Variants in SPIDR observed in about 807,000 individuals in gnomAD.
The protein encoded by SPIDR is scaffold protein involved in DNA repair, also known as DNA repair-scaffolding protein.
In SPIDR, 93 loss-of-function variants were observed where a neutral mutation model predicts 104.6. That is an observed-to-expected ratio of 0.89 (90% confidence interval 0.75 to 1.06). The LOEUF (loss-of-function observed/expected upper bound fraction) is 1.06. Ranked by LOEUF, SPIDR falls within the 50% of genes least tolerant of loss-of-function variation. The probability of loss-of-function intolerance (pLI) is 0.00; values close to 1 mark genes in which losing one functional copy is unlikely to be tolerated. For missense variants in SPIDR, 1,154 were observed against 1,111.2 expected, an observed-to-expected ratio of 1.04 and a Z score of -0.55; for synonymous variants, 431 against 416.9, an observed-to-expected ratio of 1.03 and a Z score of -0.41.
intron 8 of SPIDR, among the ~76,000 whole-genome samples, chr8:47,550,425 G>A (rs966663548): frequency 1.3e-5 from 2 of 152,036 alleles, no homozygotes; most frequent in Non-Finnish European, 2.9e-5. Flanking sequence ...ATTTGTTTGT[G>A]TCCTCTTTTA....
chr8:47,469,890 A>G (rs1380125037), intron 8 of SPIDR, among the ~76,000 whole-genome samples: 1 of 152,186 alleles, frequency 6.6e-6, no homozygotes, highest in Non-Finnish European at 1.5e-5. Flanking sequence ...ACTACAAAAC[A>G]TTGCTGAAAT....
chr8:47,474,744 A>T (rs782763549), intron 8 of SPIDR, among the ~76,000 whole-genome samples: 10 of 152,266 alleles, frequency 6.6e-5, no homozygotes, highest in Non-Finnish European at 1.5e-4. Flanking sequence ...AATTGATTTA[A>T]GAAATGAGAA....
intron 8 of SPIDR, chr8:47,511,268 C>T (rs2082275355): frequency 1.3e-6 from 2 of 1,548,904 alleles, no homozygotes; most frequent in Admixed American, 1.7e-5. Context: ...GTGGTAGTCT[C>T]TGATTCGACG....
At chr8:47,485,380 G>A (rs1280957198) in intron 8 of SPIDR, among the ~76,000 whole-genome samples, 1 of 152,200 alleles carries the variant, frequency 6.6e-6, no homozygotes, top group Non-Finnish European at 1.5e-5. Context: ...TGGAGCCCAC[G>A]ACAGCTCAAG....
At chr8:47,419,572 C>G (rs2065036287) in intron 7 of SPIDR, among the ~76,000 whole-genome samples, 2 of 152,100 alleles carry the variant, frequency 1.3e-5, no homozygotes. Flanking sequence ...AAAACCAGCT[C>G]CTGGATTCAT....
At chr8:47,451,154 C>T (rs2071647791) in intron 8 of SPIDR, among the ~76,000 whole-genome samples, 1 of 151,978 alleles carries the variant, frequency 6.6e-6, no homozygotes, top group African/African-American at 2.4e-5. Flanking sequence ...TTAAAGGGAA[C>T]CCATAGATAA....
At chr8:47,533,070 C>A (rs1246423475) in intron 8 of SPIDR, among the ~76,000 whole-genome samples, 1 of 151,908 alleles carries the variant, frequency 6.6e-6, no homozygotes, top group Non-Finnish European at 1.5e-5. Flanking sequence ...TACAACATAA[C>A]CAAATTTGTA....
chr8:47,684,362 G>A (rs2077482719), intron 11 of SPIDR, among the ~76,000 whole-genome samples: 1 of 152,114 alleles, frequency 6.6e-6, no homozygotes, highest in Non-Finnish European at 1.5e-5. Context: ...AAGGGGACTT[G>A]CTGGTTAAAA....
At chr8:47,489,904 A>C (rs956920721) in intron 8 of SPIDR, among the ~76,000 whole-genome samples, 11 of 152,116 alleles carry the variant, frequency 7.2e-5, no homozygotes, top group Non-Finnish European at 1.3e-4. Flanking sequence ...AAACCCTAGA[A>C]GAAAACCTAG....
At chr8:47,283,684 G>C (rs1554560745) in intron 2 of SPIDR, among the ~76,000 whole-genome samples, 28 of 152,164 alleles carry the variant, frequency 1.8e-4, no homozygotes, top group Non-Finnish European at 3.7e-4. Context: ...TTTTGTGTTT[G>C]TGGTAACTTA....
At chr8:47,545,073 TTCTTTC>T (rs1246104930) in intron 8 of SPIDR, among the ~76,000 whole-genome samples, 14 of 13,274 alleles carry the variant, frequency 1.1e-3, no homozygotes, top group Non-Finnish European at 2.1e-3. Context: ...TTTTTATCTT[TTCTTTC>T]TTTCTTTCTT....
intron 11 of SPIDR, among the ~76,000 whole-genome samples, chr8:47,683,315 C>G (rs1456607252): frequency 6.6e-6 from 1 of 152,200 alleles, no homozygotes; most frequent in Non-Finnish European, 1.5e-5. Flanking sequence ...CTTGTGAAGT[C>G]ATAGCTCCTG....
At chr8:47,484,505 T>G (rs2077274706) in intron 8 of SPIDR, among the ~76,000 whole-genome samples, 1 of 152,160 alleles carries the variant, frequency 6.6e-6, no homozygotes, top group Non-Finnish European at 1.5e-5. Context: ...CAGAACATGG[T>G]GGCAGAGGCA....
At chr8:47,349,331 C>G (rs1004301939) in intron 5 of SPIDR, among the ~76,000 whole-genome samples, 1 of 152,160 alleles carries the variant, frequency 6.6e-6, no homozygotes. Flanking sequence ...CTGATCCTTC[C>G]TCTGGGAGCT....
chr8:47,289,562 C>G (rs1658429706), intron 3 of SPIDR, among the ~76,000 whole-genome samples: 1 of 152,090 alleles, frequency 6.6e-6, no homozygotes, highest in African/African-American at 2.4e-5. Context: ...CCCATTCTGT[C>G]AGGTTTTCCA....
intron 10 of SPIDR, among the ~76,000 whole-genome samples, chr8:47,622,614 G>GT (rs1473768481): frequency 6.6e-6 from 1 of 152,128 alleles, no homozygotes; most frequent in Admixed American, 6.5e-5. Flanking sequence ...GAGGATGGGG[G>GT]TGACTCGAGA....
At chr8:47,630,479 T>G (rs2066886249) in intron 10 of SPIDR, among the ~76,000 whole-genome samples, 1 of 152,168 alleles carries the variant, frequency 6.6e-6, no homozygotes, top group Non-Finnish European at 1.5e-5. Context: ...ATAATATACT[T>G]TATATACATT....
intron 7 of SPIDR, among the ~76,000 whole-genome samples, chr8:47,425,241 C>G (rs782800770): frequency 6.6e-6 from 1 of 152,006 alleles, no homozygotes; most frequent in Non-Finnish European, 1.5e-5. Flanking sequence ...TCACAGGTAC[C>G]AAGCTGGCAG....
intron 6 of SPIDR, among the ~76,000 whole-genome samples, chr8:47,402,199 A>G (rs2061996646): frequency 6.6e-6 from 1 of 152,244 alleles, no homozygotes; most frequent in Admixed American, 6.5e-5. Flanking sequence ...GGACACATTT[A>G]AAGCAGTGTG....
Sources: allele counts gnomAD v4.1 joint callset (sites outside exome capture counted in the v4.1 genomes callset), GRCh38; gene constraint gnomAD v4.1.1; transcripts MANE v1.5; gene names NCBI Gene and HGNC (gene_info 2026-07-23, HGNC 2026-07-21).